The following RFC3 variants were observed in gnomAD, a reference collection of about 807,000 sequenced individuals.
RFC3 encodes the protein A1 38 kDa subunit.
Under a neutral mutation model 45.1 loss-of-function variants are expected in RFC3, and 41 were observed. The observed-to-expected ratio is 0.91, with a 90% CI of 0.71 to 1.18. RFC3 has a LOEUF of 1.18. Ranked by LOEUF, RFC3 falls within the 50% of genes most tolerant of loss-of-function variation. RFC3 has a pLI of 0.00. For missense variants in RFC3, 423 were observed against 428.1 expected (o/e 0.99, Z 0.10); for synonymous variants, 149 against 144.0 (o/e 1.03, Z -0.25).
In RFC3 at chr13:33,837,048, T is replaced by C; in HGVS notation, c.*753T>C. The C allele has an allele frequency of 1.0e-6, 1 of 984,652 alleles. No homozygotes were observed. 61.0% of individuals were successfully genotyped at this position (984,652 alleles called of 1,614,324 possible). ...TTGGTTCATGGACCAAAGGGTTTAC[T>C]TGACAAATTTGTGTGACAGACTCCG... On this transcript the variant is annotated 3_prime_UTR_variant, in exon 9 of 9. Coordinates refer to ENST00000380071, the MANE Select transcript of RFC3 (RefSeq NM_002915.4).
intron 8 of RFC3, among the ~76,000 whole-genome samples, chr13:33,942,985 A>G (rs1368345759): frequency 6.6e-6 from 1 of 152,184 alleles, no homozygotes; most frequent in Non-Finnish European, 1.5e-5. Context: ...ACACCTTCAG[A>G]GTGGCTCCCA....
intron 8 of RFC3, among the ~76,000 whole-genome samples, chr13:33,844,121 T>C (rs2082220138): frequency 6.6e-6 from 1 of 152,208 alleles, no homozygotes; most frequent in Non-Finnish European, 1.5e-5. Context: ...ATCTGGGCTT[T>C]AGAGATTACA....
At chr13:33,886,313 G>A (rs569768126) in intron 8 of RFC3, among the ~76,000 whole-genome samples, 10 of 152,178 alleles carry the variant, frequency 6.6e-5, no homozygotes, top group Middle Eastern at 3.4e-3. Context: ...TTGGGAGGCC[G>A]AGGTGGGAGG....
At chr13:33,972,001 G>A in the RFC3 span, among the ~76,000 whole-genome samples, 1 of 152,090 alleles carries the variant, frequency 6.6e-6, no homozygotes, top group African/African-American at 2.4e-5. Flanking sequence ...TGTAGTCCTA[G>A]CTACTCTGGA....
At chr13:33,891,682 C>T (rs1437414541) in intron 8 of RFC3, among the ~76,000 whole-genome samples, 1 of 152,134 alleles carries the variant, frequency 6.6e-6, no homozygotes, top group African/African-American at 2.4e-5. Context: ...CCTAAGCACA[C>T]AGCCAACTGG....
At chr13:33,833,279 C>T (rs1302909227) in intron 7 of RFC3, among the ~76,000 whole-genome samples, 3 of 151,824 alleles carry the variant, frequency 2.0e-5, no homozygotes, top group African/African-American at 7.3e-5. Flanking sequence ...TGAATAGCAG[C>T]GAATATTTCA....
downstream of RFC3, among the ~76,000 whole-genome samples, chr13:33,970,978 A>G (rs972179459): frequency 6.6e-6 from 1 of 152,218 alleles, no homozygotes; most frequent in African/African-American, 2.4e-5. Context: ...GGTATGAGCC[A>G]AGCCTTGACA....
chr13:33,889,930 C>T (rs1022371432), intron 8 of RFC3, among the ~76,000 whole-genome samples: 3 of 152,136 alleles, frequency 2.0e-5, no homozygotes, highest in Admixed American at 6.5e-5. Flanking sequence ...AGCTGGAGAA[C>T]AAAGACATTT....
intron 8 of RFC3, among the ~76,000 whole-genome samples, chr13:33,895,729 A>G (rs746387475): frequency 3.3e-5 from 5 of 152,212 alleles, no homozygotes; most frequent in Non-Finnish European, 7.3e-5. Flanking sequence ...AGCACAATTC[A>G]TAATTGCAAA....
intron 8 of RFC3, among the ~76,000 whole-genome samples, chr13:33,910,242 C>A (rs1452117101): frequency 6.6e-6 from 1 of 152,000 alleles, no homozygotes; most frequent in African/African-American, 2.4e-5. Flanking sequence ...GATAACATAG[C>A]ATAAGGACTA....
At chr13:33,965,098 A>T (rs549221726) in intron 8 of RFC3, among the ~76,000 whole-genome samples, 1 of 152,116 alleles carries the variant, frequency 6.6e-6, no homozygotes, top group Non-Finnish European at 1.5e-5. Flanking sequence ...TTATGAGTCA[A>T]TTTCTCTTGT....
chr13:33,916,556 G>A (rs1474367916), intron 8 of RFC3, among the ~76,000 whole-genome samples: 1 of 152,104 alleles, frequency 6.6e-6, no homozygotes, highest in Non-Finnish European at 1.5e-5. Flanking sequence ...GCAGAATATT[G>A]TCTCATAATA....
chr13:33,951,728 C>G (rs1026578931), intron 8 of RFC3, among the ~76,000 whole-genome samples: 1 of 152,118 alleles, frequency 6.6e-6, no homozygotes, highest in Non-Finnish European at 1.5e-5. Flanking sequence ...CAAACTCATA[C>G]AGGTGTTTAA....
chr13:33,898,209 C>T (rs981944229), intron 8 of RFC3, among the ~76,000 whole-genome samples: 1 of 151,990 alleles, frequency 6.6e-6, no homozygotes. Context: ...GAATACACAT[C>T]TTATTCATCA....
chr13:33,966,515 A>G (rs2083088776), exon 9 of RFC3: 1 of 200,574 alleles, frequency 5.0e-6, no homozygotes, highest in Non-Finnish European at 1.0e-5. Context: ...ACAACTACCT[A>G]TGCCACCCTG....
At chr13:33,878,918 T>C (rs1450208652) in intron 8 of RFC3, among the ~76,000 whole-genome samples, 2 of 152,146 alleles carry the variant, frequency 1.3e-5, no homozygotes, top group Non-Finnish European at 2.9e-5. Context: ...TGTCAGTTCA[T>C]AATGTGAAAA....
intron 8 of RFC3, among the ~76,000 whole-genome samples, chr13:33,867,437 A>C (rs2082380718): frequency 6.6e-6 from 1 of 152,226 alleles, no homozygotes; most frequent in African/African-American, 2.4e-5. Context: ...ATGTACTAAC[A>C]GTTTTCAGAA....
At chr13:33,907,013 A>G (rs1184724133) in intron 8 of RFC3, among the ~76,000 whole-genome samples, 4 of 152,008 alleles carry the variant, frequency 2.6e-5, no homozygotes, top group Non-Finnish European at 5.9e-5. Flanking sequence ...AAATTTTTTT[A>G]TAGTGATAGG....
At chr13:33,904,428 C>T (rs1232684044) in intron 8 of RFC3, among the ~76,000 whole-genome samples, 1 of 151,992 alleles carries the variant, frequency 6.6e-6, no homozygotes, top group Admixed American at 6.6e-5. Context: ...CATGTGTTCT[C>T]CCTTGGCCCC....
Sources: allele counts gnomAD v4.1 joint callset (sites outside exome capture counted in the v4.1 genomes callset), GRCh38; gene constraint gnomAD v4.1.1; transcripts MANE v1.5; gene names NCBI Gene and HGNC (gene_info 2026-07-23, HGNC 2026-07-21).